Variants in RIC3 observed in about 807,000 individuals in gnomAD.
RIC3 encodes the protein protein RIC-3.
Under a neutral mutation model 27.3 loss-of-function variants are expected in RIC3, and 28 were observed. The observed-to-expected ratio is 1.02, with a 90% CI of 0.76 to 1.41. The LOEUF (loss-of-function observed/expected upper bound fraction) is 1.41, where lower values mean the gene tolerates loss of function less well. RIC3 is among the 40% of genes most tolerant of loss of function. The probability of loss-of-function intolerance (pLI) is 0.00; values close to 1 mark genes in which losing one functional copy is unlikely to be tolerated. For missense variants in RIC3, 501 were observed against 444.7 expected (o/e 1.13, Z -1.14); for synonymous variants, 184 against 160.4 (o/e 1.15, Z -1.11).
chr11:8,167,660 T>G (rs1039041628), intron 1 of RIC3, among the ~76,000 whole-genome samples: 2 of 134,570 alleles, frequency 1.5e-5, no homozygotes, highest in South Asian at 4.8e-4. Flanking sequence ...AAAAAAAAAG[T>G]TTTCGAAGAA....
At chr11:8,097,890 A>AGG in the RIC3 span, 1 of 1,284,144 alleles carries the variant, frequency 7.8e-7, no homozygotes, top group African/African-American at 1.5e-5. Flanking sequence ...AGCTGTCTGT[A>AGG]GAGGGCCTGA....
chr11:8,157,443 CAG>C (rs979201812), intron 1 of RIC3, among the ~76,000 whole-genome samples: 2 of 152,190 alleles, frequency 1.3e-5, no homozygotes, highest in African/African-American at 4.8e-5. Context: ...CTTTTTCTAA[CAG>C]TGCCTTATTG....
chr11:8,157,362 A>C (rs1482975232), intron 1 of RIC3, among the ~76,000 whole-genome samples: 5 of 152,186 alleles, frequency 3.3e-5, no homozygotes, highest in Non-Finnish European at 7.3e-5. Flanking sequence ...AAAGCATCTA[A>C]TTCAGAGTAA....
intron 1 of RIC3, among the ~76,000 whole-genome samples, chr11:8,143,012 T>C (rs1318128738): frequency 9.5e-6 from 1 of 105,036 alleles, no homozygotes; most frequent in Non-Finnish European, 1.7e-5. Flanking sequence ...AAATTAGGTA[T>C]TGATGGGACG....
chr11:8,139,239 T>A (rs1170570535), intron 2 of RIC3: 2 of 152,488 alleles, frequency 1.3e-5, no homozygotes, highest in Non-Finnish European at 1.5e-5. Context: ...GCCTGCAGAA[T>A]TCCTGGGCGA....
the RIC3 span, among the ~76,000 whole-genome samples, chr11:8,096,305 T>C: frequency 6.6e-6 from 1 of 152,164 alleles, no homozygotes; most frequent in Non-Finnish European, 1.5e-5. Context: ...CTAATAGGCC[T>C]GAGGTCAGAA....
chr11:8,126,150 G>C (rs978411348), intron 5 of RIC3, among the ~76,000 whole-genome samples: 5 of 152,178 alleles, frequency 3.3e-5, no homozygotes, highest in African/African-American at 1.2e-4. Context: ...ATATGCAAAA[G>C]TTCATAGCTG....
intron 1 of RIC3, among the ~76,000 whole-genome samples, chr11:8,153,221 G>A (rs1311787880): frequency 2.0e-5 from 3 of 152,038 alleles, no homozygotes; most frequent in Non-Finnish European, 2.9e-5. Context: ...CTTTACATGC[G>A]GTATTATTGT....
the RIC3 span, chr11:8,095,402 T>C: frequency 7.5e-7 from 1 of 1,330,688 alleles, no homozygotes; most frequent in Non-Finnish European, 1.0e-6. Context: ...GCAGAGGGTT[T>C]CCCCACTCTT....
At chr11:8,103,152 G>T (rs1261661419), downstream of RIC3, 3 of 152,270 alleles carry the variant, frequency 2.0e-5, no homozygotes, top group African/African-American at 7.2e-5. Flanking sequence ...GGTCTAGGTG[G>T]GAGAGAGTGC....
intron 5 of RIC3, among the ~76,000 whole-genome samples, chr11:8,119,649 A>T (rs530826110): frequency 1.0e-3 from 155 of 152,316 alleles, no homozygotes; most frequent in African/African-American, 2.9e-3. Context: ...GGACTTCATG[A>T]CTAAGACACC....
chr11:8,101,829 TGAAGGGATGAGAATAA>T, downstream of RIC3: 1 of 720,866 alleles, frequency 1.4e-6, no homozygotes, highest in Non-Finnish European at 2.2e-6. Flanking sequence ...TGGGTGGGTG[TGAAGGGATGAGAATAA>T]TTCTTTCCAT....
the RIC3 span, chr11:8,097,621 T>A: frequency 2.3e-6 from 3 of 1,329,032 alleles, no homozygotes; most frequent in Non-Finnish European, 3.2e-6. Context: ...GTTTGGGAGC[T>A]GACGCAACGG....
chr11:8,154,137 G>A (rs1313559893), intron 1 of RIC3, among the ~76,000 whole-genome samples: 1 of 151,898 alleles, frequency 6.6e-6, no homozygotes, highest in African/African-American at 2.4e-5. Context: ...TATGAAATAT[G>A]CCAGGTATAT....
At chr11:8,101,856 G>GGCAA, downstream of RIC3, 1 of 482,858 alleles carries the variant, frequency 2.1e-6, no homozygotes, top group Non-Finnish European at 3.4e-6. Flanking sequence ...TTCTTTCCAT[G>GGCAA]CCACGAGATC....
At chr11:8,165,454 C>CATTT (rs1590435180) in intron 1 of RIC3, among the ~76,000 whole-genome samples, 1 of 152,026 alleles carries the variant, frequency 6.6e-6, no homozygotes, top group Admixed American at 6.6e-5. Flanking sequence ...TATATGATTT[C>CATTT]ATTTATACCA....
In RIC3 at chr11:8,109,564, G is replaced by A. The variant is rs779773290; in HGVS notation, c.*1134C>T. The A allele has an allele frequency of 1.3e-5, 2 of 151,980 alleles. No individual in the cohort carries two copies. The highest frequency in any genetic ancestry group is 2.9e-5 in the Non-Finnish European group (2 of 68,006). 9.4% of individuals were successfully genotyped at this position (151,980 alleles called of 1,614,324 possible). ...TATGGAACACATGGTCTCTACCCCTGGGCACTGCTATATTGGTTCTCTGCA... is the reference window on the plus strand; with the variant it reads ...TATGGAACACATGGTCTCTACCCCTAGGCACTGCTATATTGGTTCTCTGCA... On this transcript the variant is annotated 3_prime_UTR_variant, in exon 6 of 6. Coordinates refer to ENST00000309737, the MANE Select transcript of RIC3 (RefSeq NM_001206671.4).
chr11:8,125,895 C>T (rs904077277), intron 5 of RIC3, among the ~76,000 whole-genome samples: 1 of 152,082 alleles, frequency 6.6e-6, no homozygotes, highest in Non-Finnish European at 1.5e-5. Flanking sequence ...AAAAATTATT[C>T]AGGTGTGGTG....
intron 5 of RIC3, among the ~76,000 whole-genome samples, chr11:8,118,392 C>T (rs1259481354): frequency 1.3e-5 from 2 of 151,732 alleles, no homozygotes; most frequent in Admixed American, 6.6e-5. Flanking sequence ...AAGGCGTTAA[C>T]ATCAACCAAT....
Sources: allele counts gnomAD v4.1 joint callset (sites outside exome capture counted in the v4.1 genomes callset), GRCh38; gene constraint gnomAD v4.1.1; transcripts MANE v1.5; gene names NCBI Gene and HGNC (gene_info 2026-07-23, HGNC 2026-07-21).